The following NTRK1 variants were observed in gnomAD, a reference collection of about 807,000 sequenced individuals.
NTRK1 encodes the protein high affinity nerve growth factor receptor.
Under a neutral mutation model 86.8 loss-of-function variants are expected in NTRK1, and 62 were observed. The observed-to-expected ratio is 0.71, with a 90% CI of 0.58 to 0.88. NTRK1 has a LOEUF of 0.88. NTRK1 is among the 40% of genes least tolerant of loss of function. The probability of loss-of-function intolerance (pLI) is 0.00; values close to 1 mark genes in which losing one functional copy is unlikely to be tolerated. For missense variants in NTRK1, 967 were observed against 1,078.4 expected (o/e 0.90, Z 1.45); for synonymous variants, 469 against 456.6 (o/e 1.03, Z -0.35).
At chr1:156,833,580 G>A (rs1265994892) in intron 1 of NTRK1, among the ~76,000 whole-genome samples, 1 of 152,036 alleles carries the variant, frequency 6.6e-6, no homozygotes, top group East Asian at 1.9e-4. Flanking sequence ...AAAAAAAGGT[G>A]TATGTCAAGT....
At chr1:156,879,679 G>A (rs1009111322) in intron 15 of NTRK1, among the ~76,000 whole-genome samples, 4 of 152,038 alleles carry the variant, frequency 2.6e-5, no homozygotes, top group African/African-American at 9.7e-5. Flanking sequence ...GCACGATCTC[G>A]GCTCACTGCA....
chr1:156,850,208 G>T (rs1020069204), intron 2 of NTRK1, among the ~76,000 whole-genome samples: 1 of 152,002 alleles, frequency 6.6e-6, no homozygotes, highest in Non-Finnish European at 1.5e-5. Context: ...GGCCTGGTTG[G>T]TTATTTATTT....
At chr1:156,877,897 C>T (rs569703631) in intron 14 of NTRK1, among the ~76,000 whole-genome samples, 153 of 152,218 alleles carry the variant, frequency 1.0e-3, no homozygotes, top group Admixed American at 2.5e-3. Flanking sequence ...GAGCAGGAGG[C>T]GAGGCCAGAC....
intron 2 of NTRK1, chr1:156,844,841 C>G (rs754148353): frequency 6.2e-7 from 1 of 1,614,026 alleles, no homozygotes; most frequent in East Asian, 2.2e-5. Context: ...CCATCAGCCT[C>G]TCCTGCGGGA....
intron 14 of NTRK1, among the ~76,000 whole-genome samples, chr1:156,877,292 T>C (rs1312714160): frequency 6.6e-6 from 1 of 152,264 alleles, no homozygotes; most frequent in African/African-American, 2.4e-5. Context: ...TATTGCAATT[T>C]ACACTTGAAG....
chr1:156,827,270 A>ATTTTTTTAT (rs1553257124), intron 1 of NTRK1, among the ~76,000 whole-genome samples: 3 of 144,954 alleles, frequency 2.1e-5, no homozygotes, highest in Admixed American at 6.8e-5. Context: ...TTATTTTTTT[A>ATTTTTTTAT]TTTTTTTTTG....
At chr1:156,871,784 A>G (rs1647571429) in intron 7 of NTRK1, 29 bp downstream of exon 7, 1 of 1,612,910 alleles carries the variant, frequency 6.2e-7, no homozygotes, top group Admixed American at 1.7e-5. Flanking sequence ...TCCGGCACCC[A>G]CCCCCTACTC....
intron 2 of NTRK1, chr1:156,843,372 G>T: frequency 6.3e-7 from 1 of 1,590,608 alleles, no homozygotes; most frequent in Non-Finnish European, 8.6e-7. Context: ...GTCTGTCTCT[G>T]CTCCTCTCCT....
chr1:156,880,381 C>G, intron 16 of NTRK1: 1 of 595,934 alleles, frequency 1.7e-6, no homozygotes, highest in Non-Finnish European at 3.0e-6. Flanking sequence ...GCCCAGTTGG[C>G]CCCTGGGGGA....
chr1:156,871,574 C>T (rs751913042), intron 6 of NTRK1, 49 bp from the exon 7 acceptor site: 1 of 1,610,636 alleles, frequency 6.2e-7, no homozygotes, highest in South Asian at 1.1e-5. Flanking sequence ...GCCCCAGCCC[C>T]AAGCTGGCTA....
intron 2 of NTRK1, chr1:156,851,463 G>A: frequency 6.2e-7 from 1 of 1,613,710 alleles, no homozygotes; most frequent in Non-Finnish European, 8.5e-7. Context: ...GGCTGGAGTA[G>A]GAGCAAGGAA....
At chr1:156,867,581 C>A (rs1007889420) in intron 4 of NTRK1, among the ~76,000 whole-genome samples, 4 of 152,222 alleles carry the variant, frequency 2.6e-5, no homozygotes, top group African/African-American at 9.6e-5. Flanking sequence ...CCATCCTCCG[C>A]CTCGGCCTCC....
chr1:156,850,530 C>CTT (rs1558089282), intron 2 of NTRK1, among the ~76,000 whole-genome samples: 12 of 107,194 alleles, frequency 1.1e-4, no homozygotes, highest in African/African-American at 4.6e-4. Flanking sequence ...TAATTTAAAA[C>CTT]ATTCTTTTTT....
Position 156,861,166 on chromosome 1 carries a change from T to TG in NTRK1, c.212+27dup, listed in dbSNP as rs373807059. ...TGAGCTGTGAGTGTCCGGCGGGCGG[T>TG]GGGGGGGCGCGGGGACAGGCAGGCA... On this transcript the variant is annotated intron_variant, in intron 1 of 16. Transcript: ENST00000524377. 932 of 1,540,828 alleles carry TG rather than the reference T, an allele frequency of 6.0e-4. 7 individuals are homozygous for TG. The African/African-American group carries it at 8.9e-3, about 15-fold the overall frequency.
rs372743293 is a variant in NTRK1, at chr1:156,874,898, C to G, written c.1252-8C>G. ...CCCCTGGATCTAACTACCCCTGTCC[C>G]CCACCAGGTCTCGGTGGCTGTGGGC... On this transcript the variant is annotated splice_polypyrimidine_tract_variant and splice_region_variant and intron_variant, in intron 10 of 16. Coordinates refer to ENST00000524377, the MANE Select transcript of NTRK1 (RefSeq NM_002529.4). 7 of 1,599,294 alleles carry G rather than the reference C, an allele frequency of 4.4e-6. No homozygotes were observed. Among genetic ancestry groups the G allele is most frequent in the Middle Eastern group, 1.6e-4 (1 of 6,062 alleles).
chr1:156,830,066 C>T (rs1461851172), intron 1 of NTRK1, among the ~76,000 whole-genome samples: 2 of 152,244 alleles, frequency 1.3e-5, no homozygotes, highest in Admixed American at 6.5e-5. Context: ...AAGCATTGCT[C>T]TCCACGCAGT....
chr1:156,844,541 G>A, intron 2 of NTRK1: 1 of 1,614,198 alleles, frequency 6.2e-7, no homozygotes, highest in Non-Finnish European at 8.5e-7. Flanking sequence ...CCCTGGCAGA[G>A]TAGTTTCCAG....
upstream of NTRK1, among the ~76,000 whole-genome samples, chr1:156,860,145 C>A (rs1439577707): frequency 1.3e-5 from 2 of 152,242 alleles, no homozygotes; most frequent in South Asian, 4.1e-4. Flanking sequence ...CGCTGGCTGG[C>A]CGGGGTCAGG....
rs4661230 is a variant in NTRK1 at position 156,854,664 on chromosome 1, G to A, written c.51-9690G>A. Reference sequence around the variant, plus strand: ...AACACCTTTCTTTTTCACCTTGTACGTCCTGTGGGTTTATCTTTAAAATAT... The same window carrying A: ...AACACCTTTCTTTTTCACCTTGTACATCCTGTGGGTTTATCTTTAAAATAT... On this transcript the variant is annotated intron_variant, in intron 2 of 16. Coordinates refer to the NTRK1 transcript ENST00000392302. The surrounding 1 kb of genome is among the most constrained non-coding windows in gnomAD (Gnocchi z 4.2). 0.15 allele frequency among the ~76,000 whole-genome samples: 23,079 copies of A among 152,084 alleles called. 2,371 individuals carry two copies. The highest frequency in any genetic ancestry group is 0.29 in the African/African-American group (12,111 of 41,432).
Sources: gnomAD v4.1 joint callset for allele counts (sites outside exome capture counted in the v4.1 genomes callset) on GRCh38, gnomAD v4.1.1 for gene constraint, Gnocchi (gnomAD v3.1) non-coding constraint, MANE v1.5 for transcripts, NCBI Gene and HGNC (gene_info 2026-07-23, HGNC 2026-07-21) for gene names.